The following LDLRAD4 variants were observed in gnomAD, a reference collection of about 807,000 sequenced individuals.
LDLRAD4 encodes the protein low density lipoprotein receptor class A domain containing 4, also known as low-density lipoprotein receptor class A domain-containing protein 4.
A neutral mutation model predicts 17.0 loss-of-function variants in LDLRAD4; 5 were observed. The ratio of observed to expected loss-of-function variants is 0.29; its 90% CI spans 0.15 to 0.62. LDLRAD4 has a LOEUF of 0.62. LDLRAD4 is among the 20% of genes least tolerant of loss of function. LDLRAD4 has a pLI of 0.84. For missense variants in LDLRAD4, 340 were observed against 424.7 expected, an observed-to-expected ratio of 0.80 and a Z score of 1.75; for synonymous variants, 168 against 171.8, an observed-to-expected ratio of 0.98 and a Z score of 0.17.
intron 1 of LDLRAD4, among the ~76,000 whole-genome samples, chr18:13,252,499 G>A (rs1396592171): frequency 4.6e-5 from 7 of 152,234 alleles, no homozygotes; most frequent in Non-Finnish European, 1.0e-4. Context: ...GTGGGCCACA[G>A]CCCCATGTCT....
intron 1 of LDLRAD4, among the ~76,000 whole-genome samples, chr18:13,279,256 TA>T (rs1197275677): frequency 1.3e-5 from 2 of 152,238 alleles, no homozygotes; most frequent in Non-Finnish European, 2.9e-5. Context: ...ACGATCCCTT[TA>T]TTAACCTGAC....
chr18:13,440,953 C>T lies in LDLRAD4; in HGVS notation c.181+2569C>T, dbSNP rs1005033983. On this transcript the variant is annotated intron_variant, in intron 3 of 5. Coordinates refer to ENST00000359446, the Ensembl canonical transcript of LDLRAD4. The surrounding 1 kb of genome is among the most constrained non-coding windows in gnomAD (Gnocchi z 4.4). ...GCTGCCACCTGGCCTGTGGCTGCCC[C>T]CTACGTTCCCCTCAGGTTCTCTGCA... 2.6e-5 allele frequency among the ~76,000 whole-genome samples: 4 copies of T among 152,180 alleles called. No individual in the cohort carries two copies. The highest frequency in any genetic ancestry group is 9.7e-5 in the African/African-American group (4 of 41,440).
chr18:13,332,161 A>C (rs933322620), intron 1 of LDLRAD4, among the ~76,000 whole-genome samples: 2 of 152,244 alleles, frequency 1.3e-5, no homozygotes, highest in Non-Finnish European at 2.9e-5. Flanking sequence ...ATACGTTCTT[A>C]GAAACTTCAT....
chr18:13,339,636 A>G lies in LDLRAD4; in HGVS notation c.-382-47705A>G, dbSNP rs185499112. Among the ~76,000 whole-genome samples the G allele has an allele frequency of 2.7e-3, 408 of 152,262 alleles. 1 individual carries two copies. Among genetic ancestry groups the G allele is most frequent in the African/African-American group, 9.2e-3 (383 of 41,562 alleles). On this transcript the variant is annotated intron_variant, in intron 1 of 5. Transcript: ENST00000359446. ...TTTTTGCTTTAAGTAATAAAATAAA[A>G]CTTTTTTTTATTATAGAAATGGTAA...
chr18:13,642,636 C>G (rs2042675828), intron 4 of LDLRAD4: 2 of 1,230,874 alleles, frequency 1.6e-6, no homozygotes, highest in Non-Finnish European at 2.0e-6. Flanking sequence ...TGCTGGAGGC[C>G]GGGCAGGGCA....
intron 4 of LDLRAD4, chr18:13,642,172 G>T (rs913631336): frequency 7.1e-6 from 7 of 985,452 alleles, no homozygotes; most frequent in Non-Finnish European, 6.0e-6. Context: ...AGTATCTTAG[G>T]AAAGGGCCGT....
chr18:13,482,243 T>A (rs1266063934), intron 3 of LDLRAD4, among the ~76,000 whole-genome samples: 5 of 152,108 alleles, frequency 3.3e-5, no homozygotes, highest in African/African-American at 1.2e-4. Context: ...GACGGTTGCC[T>A]CTGAACCCGC....
chr18:13,387,101 T>C (rs1475343775), intron 1 of LDLRAD4, among the ~76,000 whole-genome samples: 1 of 152,182 alleles, frequency 6.6e-6, no homozygotes, highest in African/African-American at 2.4e-5. Context: ...AATGAGTTTC[T>C]TCCCCGAGGT....
At chr18:13,330,180 C>G (rs773592430) in intron 1 of LDLRAD4, among the ~76,000 whole-genome samples, 2 of 152,118 alleles carry the variant, frequency 1.3e-5, no homozygotes, top group Non-Finnish European at 1.5e-5. Flanking sequence ...AGGATGATCT[C>G]GAGCTCCTGA....
intron 3 of LDLRAD4, among the ~76,000 whole-genome samples, chr18:13,572,581 A>C (rs1466491340): frequency 6.6e-6 from 1 of 152,236 alleles, no homozygotes; most frequent in Non-Finnish European, 1.5e-5. Context: ...AAGAAACCGC[A>C]GAAGGAAAGC....
intron 1 of LDLRAD4, among the ~76,000 whole-genome samples, chr18:13,224,832 T>C (rs7505941): frequency 0.33 from 48,915 of 147,034 alleles, 9,459 homozygotes; most frequent in Non-Finnish European, 0.44. Flanking sequence ...GAGTCTCTCT[T>C]TTTTTTTTTT....
intron 3 of LDLRAD4, among the ~76,000 whole-genome samples, chr18:13,548,042 C>T (rs2094389360): frequency 6.6e-6 from 1 of 152,126 alleles, no homozygotes; most frequent in African/African-American, 2.4e-5. Flanking sequence ...TCTCATGAGT[C>T]CCGAGGTGGG....
chr18:13,340,420 GCTAA>G (rs1177473588), intron 1 of LDLRAD4, among the ~76,000 whole-genome samples: 2 of 152,080 alleles, frequency 1.3e-5, no homozygotes, highest in Non-Finnish European at 2.9e-5. Flanking sequence ...CCACATTCTT[GCTAA>G]CTTTCTATTT....
intron 3 of LDLRAD4, among the ~76,000 whole-genome samples, chr18:13,584,407 A>T (rs1347556602): frequency 1.3e-5 from 2 of 152,024 alleles, no homozygotes; most frequent in Non-Finnish European, 2.9e-5. Context: ...CTGAGCTGTG[A>T]TGATTCTGTG....
chr18:13,604,718 A>C (rs767092561), intron 3 of LDLRAD4, among the ~76,000 whole-genome samples: 1 of 152,238 alleles, frequency 6.6e-6, no homozygotes, highest in Non-Finnish European at 1.5e-5. Context: ...TACATCAAGC[A>C]TTTTAAACAG....
intron 3 of LDLRAD4, chr18:13,520,152 G>A (rs2093930979): frequency 1.3e-5 from 2 of 152,194 alleles, no homozygotes; most frequent in Admixed American, 1.3e-4. Flanking sequence ...ATTGGGCAAT[G>A]AAATGTTGCT....
rs953665093 is a variant in LDLRAD4, at chr18:13,511,968, G to T, written c.181+73584G>T. On this transcript the variant is annotated intron_variant, in intron 3 of 5. Coordinates refer to ENST00000359446, the Ensembl canonical transcript of LDLRAD4. ...GACCAGAAAGATGTACAACATCTGG[G>T]ATGTATGTACCATGACAGCTGATGT... 2.0e-5 allele frequency among the ~76,000 whole-genome samples: 3 copies of T among 152,226 alleles called. No individual in the cohort carries two copies. In the East Asian group the frequency reaches 5.8e-4, roughly 29 times the overall value.
intron 1 of LDLRAD4, among the ~76,000 whole-genome samples, chr18:13,356,742 CT>C (rs996258694): frequency 1.3e-5 from 2 of 152,190 alleles, no homozygotes; most frequent in African/African-American, 2.4e-5. Context: ...GGAGCACCCC[CT>C]GTCTTGAAAT....
At chr18:13,488,544 C>T (rs1263180682) in intron 3 of LDLRAD4, 2 of 152,262 alleles carry the variant, frequency 1.3e-5, no homozygotes, top group East Asian at 1.9e-4. Flanking sequence ...CCCAGGCAGC[C>T]CTGTGCACTA....
Sources: gnomAD v4.1 joint callset for allele counts (sites outside exome capture counted in the v4.1 genomes callset) on GRCh38, gnomAD v4.1.1 for gene constraint, Gnocchi (gnomAD v3.1) non-coding constraint, MANE v1.5 for transcripts, NCBI Gene and HGNC (gene_info 2026-07-23, HGNC 2026-07-21) for gene names.